GFPT2: variants seen among roughly 807,000 people sequenced by gnomAD.
GFPT2 encodes glutamine--fructose-6-phosphate aminotransferase [isomerizing] 2.
A neutral mutation model predicts 85.6 loss-of-function variants in GFPT2; 62 were observed. The observed-to-expected ratio is 0.72, with a 90% confidence interval of 0.59 to 0.90. The LOEUF is 0.90. GFPT2 is among the 40% of genes least tolerant of loss of function. The pLI, the probability that GFPT2 is intolerant of heterozygous loss-of-function variation, is 0.00. For missense variants in GFPT2, 788 were observed against 893.4 expected, an observed-to-expected ratio of 0.88 and a Z score of 1.50; for synonymous variants, 368 against 344.5, an observed-to-expected ratio of 1.07 and a Z score of -0.75.
At chr5:180,307,701 C>A (rs978299932) in intron 15 of GFPT2, among the ~76,000 whole-genome samples, 6 of 152,202 alleles carry the variant, frequency 3.9e-5, no homozygotes, top group African/African-American at 1.4e-4. Context: ...GTTCTCAAAC[C>A]CTTTGGTCTC....
rs1443270312 is a variant in GFPT2, at chr5:180,328,613, G to A, written c.535-275C>T. Among the ~76,000 whole-genome samples, 1 of 152,268 alleles carries A rather than the reference G, an allele frequency of 6.6e-6. No homozygotes were observed. The highest frequency in any genetic ancestry group is 2.4e-5 in the African/African-American group (1 of 41,474). Reference sequence around the variant, plus strand: ...CACAGGGAGCCCGGCAGGGGTGCCAGCTGGGTAGACGGGGCAGTGAGAGTC... The same window carrying A: ...CACAGGGAGCCCGGCAGGGGTGCCAACTGGGTAGACGGGGCAGTGAGAGTC... On this transcript the variant is annotated intron_variant, in intron 6 of 18. Coordinates refer to ENST00000253778, the MANE Select transcript of GFPT2 (RefSeq NM_005110.4). The surrounding 1 kb of genome is among the most constrained non-coding windows in gnomAD (Gnocchi z 5.4).
intron 5 of GFPT2, 122 bp downstream of exon 5, chr5:180,331,373 T>A (rs958530352): frequency 3.0e-6 from 2 of 666,318 alleles, no homozygotes; most frequent in African/African-American, 3.6e-5. Context: ...CACGGTGACG[T>A]GGCTGAGTGT....
chr5:180,309,043 T>A (rs188265461), intron 15 of GFPT2, among the ~76,000 whole-genome samples: 267 of 152,192 alleles, frequency 1.8e-3, no homozygotes, highest in African/African-American at 5.5e-3. Context: ...CTAAATTTTT[T>A]AAATATTTTT....
At chr5:180,321,663 C>T (rs1467420991) in intron 9 of GFPT2, among the ~76,000 whole-genome samples, 1 of 152,266 alleles carries the variant, frequency 6.6e-6, no homozygotes, top group Non-Finnish European at 1.5e-5. Flanking sequence ...ACCTGCCATT[C>T]CTTTCTCAGC....
At position 180,316,877 on chromosome 5, in the gene GFPT2, C is replaced by T; in HGVS notation, c.1055-16G>A. 4 of 1,603,138 alleles carry T rather than the reference C, an allele frequency of 2.5e-6. No individual in the cohort carries two copies. Among genetic ancestry groups the T allele is most frequent in the Non-Finnish European group, 3.4e-6 (4 of 1,170,128 alleles). On this transcript the variant is annotated splice_polypyrimidine_tract_variant and intron_variant, in intron 11 of 18. Coordinates refer to ENST00000253778, the MANE Select transcript of GFPT2 (RefSeq NM_005110.4). ...CCCAGGAGCACTGCAGGGCACACGA[C>T]AAGGCGTTAATGCTGAGTCTACACA...
intron 4 of GFPT2, among the ~76,000 whole-genome samples, chr5:180,335,250 C>G (rs1290227756): frequency 6.6e-6 from 1 of 152,238 alleles, no homozygotes; most frequent in Non-Finnish European, 1.5e-5. Context: ...GTTGAGGGCT[C>G]TCCACCTGGG....
At chr5:180,340,777 G>A (rs1764500333) in intron 1 of GFPT2, among the ~76,000 whole-genome samples, 1 of 151,990 alleles carries the variant, frequency 6.6e-6, no homozygotes, top group South Asian at 2.1e-4. Context: ...GCCTCCCAAA[G>A]TGCTGGGATT....
At chr5:180,331,696 G>A (rs1764303443) in intron 4 of GFPT2, 143 bp from the exon 5 acceptor site, 1 of 673,048 alleles carries the variant, frequency 1.5e-6, no homozygotes, top group East Asian at 2.8e-5. Context: ...ACAGTGATTA[G>A]CACAGATGTT....
chr5:180,338,560 C>T lies in GFPT2; in HGVS notation c.48G>A (p.Arg16=). 1 of 1,612,316 alleles carries T rather than the reference C, an allele frequency of 6.2e-7. No homozygotes were observed. ...TGATGAGGGTTTCGAAGATCTCCTT[C>T]CTCGTCCGGGGGACTCTGTAGTTCA... The part of the protein sequence containing the change: ...AYMNYRVPRT[R]KEIFETLIKG... The change falls in exon 2 of 19, where the codon AGG becomes AGA. Residue 16 remains arginine, a synonymous_variant. Transcript: ENST00000253778.
intron 8 of GFPT2, 193 bp from the exon 9 acceptor site, chr5:180,324,498 G>C: frequency 1.7e-6 from 1 of 588,158 alleles, no homozygotes; most frequent in Middle Eastern, 4.5e-4. Context: ...AATGGCTACA[G>C]TGTGAGAGGA....
rs183478812 is a variant in GFPT2 at position 180,312,997 on chromosome 5, A to G, written c.1432-453T>C. Among the ~76,000 whole-genome samples, 174 of 151,972 alleles carry G rather than the reference A, an allele frequency of 1.1e-3. 1 individual carries two copies. The highest frequency in any genetic ancestry group is 2.1e-3 in the Non-Finnish European group (146 of 67,960). On this transcript the variant is annotated intron_variant, in intron 14 of 18. Transcript: ENST00000253778. ...TCACCGTGTTAGCCAGGATGGTCTC[A>G]AACCCCTGACCTCAGGTGATCCCCC...
chr5:180,349,296 G>C (rs1764666157), intron 1 of GFPT2, among the ~76,000 whole-genome samples: 2 of 151,976 alleles, frequency 1.3e-5, no homozygotes, highest in African/African-American at 2.4e-5. Context: ...AACAGAGTGA[G>C]ACTCTGCCTC....
At chr5:180,338,816 T>G (rs1427527234) in intron 1 of GFPT2, among the ~76,000 whole-genome samples, 1 of 152,226 alleles carries the variant, frequency 6.6e-6, no homozygotes, top group Non-Finnish European at 1.5e-5. Context: ...TGTCTTGGGC[T>G]GGCAGTTCCA....
At chr5:180,319,818 G>A (rs1226996290) in intron 9 of GFPT2, among the ~76,000 whole-genome samples, 1 of 152,104 alleles carries the variant, frequency 6.6e-6, no homozygotes, top group Non-Finnish European at 1.5e-5. Flanking sequence ...AGGAAACACA[G>A]GGGACAGAGG....
intron 15 of GFPT2, among the ~76,000 whole-genome samples, chr5:180,308,898 C>G (rs112803410): frequency 0.03 from 4,482 of 149,728 alleles, 168 homozygotes; most frequent in African/African-American, 0.091. Flanking sequence ...GAGACAGAGT[C>G]TCACTCTGTC....
intron 4 of GFPT2, 143 bp downstream of exon 4, chr5:180,335,685 G>T: frequency 1.2e-6 from 1 of 856,240 alleles, no homozygotes; most frequent in South Asian, 1.8e-5. Context: ...CTCTGGGAGA[G>T]GGGACATCCG....
chr5:180,322,033 C>T (rs999817952), intron 9 of GFPT2, among the ~76,000 whole-genome samples: 6 of 151,854 alleles, frequency 4.0e-5, no homozygotes, highest in African/African-American at 1.2e-4. Flanking sequence ...ATGATCTGTC[C>T]GCCTCGGCCT....
At chr5:180,322,156 C>T (rs1327924610) in intron 9 of GFPT2, among the ~76,000 whole-genome samples, 1 of 152,082 alleles carries the variant, frequency 6.6e-6, no homozygotes, top group Admixed American at 6.5e-5. Flanking sequence ...TTAAAAATAA[C>T]TTGTAATCAT....
chr5:180,342,655 G>A (rs181521108), intron 1 of GFPT2, among the ~76,000 whole-genome samples: 39 of 152,166 alleles, frequency 2.6e-4, no homozygotes, highest in Non-Finnish European at 4.9e-4. Context: ...TAATCCTAGC[G>A]CTTTGGGAGG....
Sources: gnomAD v4.1 joint callset for allele counts (sites outside exome capture counted in the v4.1 genomes callset) on GRCh38, gnomAD v4.1.1 for gene constraint, Gnocchi (gnomAD v3.1) non-coding constraint, MANE v1.5 for transcripts, NCBI Gene and HGNC (gene_info 2026-07-23, HGNC 2026-07-21) for gene names.